MLLT3: variants seen among roughly 807,000 people sequenced by gnomAD.
MLLT3 encodes the protein MLLT3 super elongation complex subunit.
Under a neutral mutation model 53.2 loss-of-function variants are expected in MLLT3, and 4 were observed. The ratio of observed to expected loss-of-function variants is 0.08; its 90% CI spans 0.04 to 0.17. The LOEUF (loss-of-function observed/expected upper bound fraction) is 0.17, where lower values mean the gene tolerates loss of function less well. Ranked by LOEUF, MLLT3 falls within the 10% of genes least tolerant of loss-of-function variation. MLLT3 has a pLI of 1.00. For synonymous variants in MLLT3, 283 were observed against 230.6 expected (o/e 1.23, Z -2.06); for missense variants, 569 against 684.0 (o/e 0.83, Z 1.87).
chr9:20,594,278 A>G (rs1254136459), intron 2 of MLLT3, among the ~76,000 whole-genome samples: 6 of 152,070 alleles, frequency 3.9e-5, no homozygotes, highest in African/African-American at 9.7e-5. Context: ...AATCTTCTAG[A>G]TATCACCTTT....
chr9:20,514,829 T>A (rs1298297950), intron 2 of MLLT3, among the ~76,000 whole-genome samples: 2 of 152,038 alleles, frequency 1.3e-5, no homozygotes, highest in African/African-American at 4.8e-5. Context: ...ACTGAAAGCA[T>A]CTTCCAAGAA....
At chr9:20,490,919 A>G (rs1278582616) in intron 2 of MLLT3, among the ~76,000 whole-genome samples, 1 of 152,196 alleles carries the variant, frequency 6.6e-6, no homozygotes, top group African/African-American at 2.4e-5. Flanking sequence ...TGTATATTCA[A>G]GAAAACTAAT....
At chr9:20,431,164 G>C (rs1386370759) in intron 4 of MLLT3, among the ~76,000 whole-genome samples, 1 of 152,096 alleles carries the variant, frequency 6.6e-6, no homozygotes, top group African/African-American at 2.4e-5. Flanking sequence ...ATAGGTGACT[G>C]CTCTATGACC....
chr9:20,517,410 C>A (rs138051796), intron 2 of MLLT3, among the ~76,000 whole-genome samples: 2 of 149,510 alleles, frequency 1.3e-5, no homozygotes, highest in African/African-American at 4.9e-5. Context: ...TAAAAGGAAC[C>A]AAGGTTTTTT....
At chr9:20,597,116 A>G (rs1206265765) in intron 2 of MLLT3, among the ~76,000 whole-genome samples, 3 of 151,938 alleles carry the variant, frequency 2.0e-5, no homozygotes, top group African/African-American at 4.8e-5. Context: ...TAGAAATACT[A>G]TCTTTTTATA....
chr9:20,360,594 T>A (rs1049686559), intron 8 of MLLT3, 148 bp downstream of exon 8: 7 of 657,344 alleles, frequency 1.1e-5, no homozygotes, highest in Admixed American at 4.8e-5. Context: ...AACTATGTGT[T>A]TATTCCACAG....
rs185290032 is a variant in MLLT3 at position 20,528,780 on chromosome 9, T to A, written c.194-71994A>T. Among the ~76,000 whole-genome samples the A allele has an allele frequency of 2.6e-5, 4 of 152,332 alleles. No homozygotes were observed. The East Asian group carries it at 7.7e-4, about 29-fold the overall frequency. On this transcript the variant is annotated intron_variant, in intron 2 of 10. Coordinates refer to ENST00000380338, the MANE Select transcript of MLLT3 (RefSeq NM_004529.4). ...ATCTCAAGATCCTTAATTTACCGCA[T>A]CTGCAAGGATCCTTTTTCCAATAAG... is the stretch of plus-strand genomic sequence containing the variant.
chr9:20,478,490 G>A (rs1283460948), intron 2 of MLLT3, among the ~76,000 whole-genome samples: 1 of 152,092 alleles, frequency 6.6e-6, no homozygotes, highest in Non-Finnish European at 1.5e-5. Flanking sequence ...CTGGTGAACT[G>A]CAGAGTGAGA....
intron 2 of MLLT3, among the ~76,000 whole-genome samples, chr9:20,611,733 G>T (rs973736894): frequency 3.3e-5 from 5 of 152,050 alleles, no homozygotes; most frequent in African/African-American, 1.2e-4. Context: ...CCCAAATGCT[G>T]GCCTTATCTT....
intron 10 of MLLT3, among the ~76,000 whole-genome samples, chr9:20,347,931 T>C (rs903762268): frequency 1.3e-5 from 2 of 152,206 alleles, no homozygotes; most frequent in African/African-American, 4.8e-5. Flanking sequence ...TTCTTACAAT[T>C]AGCTTTCTTT....
intron 2 of MLLT3, among the ~76,000 whole-genome samples, chr9:20,535,371 T>A (rs962336465): frequency 2.8e-4 from 42 of 152,138 alleles, no homozygotes; most frequent in African/African-American, 1.0e-3. Context: ...CCAAAAAGGT[T>A]GGGGACCACT....
chr9:20,573,613 A>C (rs185975790), intron 2 of MLLT3, among the ~76,000 whole-genome samples: 88 of 152,386 alleles, frequency 5.8e-4, no homozygotes, highest in African/African-American at 1.9e-3. Flanking sequence ...AGCTTTAATA[A>C]GTTAAAAGAT....
chr9:20,597,922 G>C (rs1301663669), intron 2 of MLLT3, among the ~76,000 whole-genome samples: 1 of 152,086 alleles, frequency 6.6e-6, no homozygotes, highest in East Asian at 1.9e-4. Flanking sequence ...GTGTTCCAAA[G>C]CACCATTTAA....
intron 4 of MLLT3, among the ~76,000 whole-genome samples, chr9:20,433,068 G>T (rs1823316912): frequency 6.6e-6 from 1 of 151,902 alleles, no homozygotes; most frequent in Non-Finnish European, 1.5e-5. Context: ...TAACAATTCA[G>T]TCCAAAAGCT....
chr9:20,351,865 T>C (rs1442859911), intron 10 of MLLT3, among the ~76,000 whole-genome samples: 1 of 152,210 alleles, frequency 6.6e-6, no homozygotes, highest in Non-Finnish European at 1.5e-5. Context: ...TGACAGGACA[T>C]GCATCATGGT....
chr9:20,615,279 C>T (rs1175517349), intron 2 of MLLT3, among the ~76,000 whole-genome samples: 2 of 135,584 alleles, frequency 1.5e-5, no homozygotes, highest in African/African-American at 5.4e-5. Flanking sequence ...GGGAGGATGG[C>T]TTGAGTCCAG....
intron 2 of MLLT3, among the ~76,000 whole-genome samples, chr9:20,493,289 C>G (rs1563785379): frequency 1.3e-5 from 2 of 151,888 alleles, no homozygotes; most frequent in African/African-American, 4.8e-5. Flanking sequence ...AGTAATTTAT[C>G]AAAAAATAAG....
intron 8 of MLLT3, among the ~76,000 whole-genome samples, chr9:20,359,046 G>GAGGC (rs1338425204): frequency 4.0e-5 from 6 of 150,016 alleles, no homozygotes; most frequent in African/African-American, 1.5e-4. Flanking sequence ...TCGCGGGGCT[G>GAGGC]AGGCAGGAGA....
chr9:20,387,833 G>A (rs1027055712), intron 5 of MLLT3, among the ~76,000 whole-genome samples: 2 of 152,176 alleles, frequency 1.3e-5, no homozygotes, highest in Admixed American at 6.5e-5. Flanking sequence ...AAGGTCACTC[G>A]TTTAGCAAAT....
Sources: allele counts gnomAD v4.1 joint callset (sites outside exome capture counted in the v4.1 genomes callset), GRCh38; gene constraint gnomAD v4.1.1; transcripts MANE v1.5; gene names NCBI Gene and HGNC (gene_info 2026-07-23, HGNC 2026-07-21).